Variants in DCHS2 observed in about 807,000 individuals in gnomAD.
The protein encoded by DCHS2 is dachsous cadherin-related 2.
Under a neutral mutation model 182.4 loss-of-function variants are expected in DCHS2, and 142 were observed. That is an observed-to-expected ratio of 0.78 (90% confidence interval 0.68 to 0.89). DCHS2 has a LOEUF of 0.89. Ranked by LOEUF, DCHS2 falls within the 40% of genes least tolerant of loss-of-function variation. The pLI is 0.00. For missense variants in DCHS2, 4,319 were observed against 4,198.6 expected (o/e 1.03, Z -0.79); for synonymous variants, 1,740 against 1,663.3 (o/e 1.05, Z -1.12).
At chr4:154,369,083 G>A (rs1730523583) in intron 2 of DCHS2, among the ~76,000 whole-genome samples, 1 of 152,094 alleles carries the variant, frequency 6.6e-6, no homozygotes. Context: ...AAATGTAAAA[G>A]GACAGAATTC....
intron 3 of DCHS2, among the ~76,000 whole-genome samples, chr4:154,355,412 A>T (rs1375318251): frequency 2.0e-5 from 3 of 152,214 alleles, no homozygotes; most frequent in Non-Finnish European, 4.4e-5. Context: ...GAAATCCTCA[A>T]TTTGGAGAAT....
At chr4:154,350,861 T>C (rs1283068845) in intron 3 of DCHS2, among the ~76,000 whole-genome samples, 1 of 152,128 alleles carries the variant, frequency 6.6e-6, no homozygotes, top group Non-Finnish European at 1.5e-5. Flanking sequence ...CCAACAGCAA[T>C]AGGTTAGTGT....
chr4:154,421,431 G>C (rs947836860), intron 1 of DCHS2, among the ~76,000 whole-genome samples: 2 of 151,816 alleles, frequency 1.3e-5, no homozygotes. Context: ...GTCTCACTCT[G>C]TCACCCAGGC....
chr4:154,254,623 G>A (rs1015060108), intron 16 of DCHS2, among the ~76,000 whole-genome samples: 4 of 152,194 alleles, frequency 2.6e-5, no homozygotes, highest in African/African-American at 9.7e-5. Context: ...GATCACTAGA[G>A]GTCAGGAGAT....
At chr4:154,433,004 G>A (rs1036201805) in intron 1 of DCHS2, among the ~76,000 whole-genome samples, 12 of 152,142 alleles carry the variant, frequency 7.9e-5, no homozygotes, top group Non-Finnish European at 1.8e-4. Flanking sequence ...AAAAAGATGT[G>A]TTCAAATCAT....
chr4:154,432,679 C>A (rs554498297), intron 1 of DCHS2, among the ~76,000 whole-genome samples: 31 of 152,100 alleles, frequency 2.0e-4, no homozygotes, highest in Non-Finnish European at 3.8e-4. Flanking sequence ...GACAGAAAAT[C>A]TCAATCAATC....
chr4:154,389,488 C>T (rs1731572118), intron 1 of DCHS2, among the ~76,000 whole-genome samples: 1 of 107,426 alleles, frequency 9.3e-6, no homozygotes, highest in Non-Finnish European at 2.1e-5. Flanking sequence ...GTATTGCTGT[C>T]TCTATGTTCT....
chr4:154,252,416 C>T (rs1732413986), intron 16 of DCHS2, among the ~76,000 whole-genome samples: 1 of 152,072 alleles, frequency 6.6e-6, no homozygotes, highest in Non-Finnish European at 1.5e-5. Context: ...CCAGCAAATA[C>T]TGGGTCTTAT....
chr4:154,385,828 A>AT (rs1731388713), intron 1 of DCHS2, among the ~76,000 whole-genome samples: 1 of 151,928 alleles, frequency 6.6e-6, no homozygotes, highest in Non-Finnish European at 1.5e-5. Context: ...ATTCTTGGTA[A>AT]TTTGTTACTG....
chr4:154,270,674 G>T (rs1327723081), intron 13 of DCHS2, among the ~76,000 whole-genome samples: 1 of 151,550 alleles, frequency 6.6e-6, no homozygotes, highest in Non-Finnish European at 1.5e-5. Context: ...TAAGAATGGA[G>T]CAGAGAGGCC....
rs1304926320 is a variant in DCHS2, at chr4:154,490,439, C to A, written c.917G>T (p.Arg306Leu). 12 of 1,534,416 alleles carry A rather than the reference C, an allele frequency of 7.8e-6. No individual in the cohort carries two copies. The highest frequency in any genetic ancestry group is 1.0e-5 in the Non-Finnish European group (12 of 1,145,494). ...CTCGGCGCCCGGCTGGGCGTCCTCG[C>A]GCACCGCGGCGCGGTACTCGTCCTG... The part of the protein sequence containing the change: ...FEQDEYRAAV[R>L]EDAQPGAEVC... The change falls in exon 1 of 20, where the codon CGC becomes CTC. Residue 306 changes from arginine (R) to leucine (L), a missense_variant. By Grantham distance (102) the Arg-to-Leu change is moderately radical. Transcript: ENST00000357232.
At chr4:154,299,334 A>G (rs1735106885) in intron 12 of DCHS2, among the ~76,000 whole-genome samples, 1 of 152,218 alleles carries the variant, frequency 6.6e-6, no homozygotes, top group Non-Finnish European at 1.5e-5. Flanking sequence ...CTATTCATCT[A>G]TTCCTTAAAA....
At chr4:154,308,581 T>C (rs1011632471) in intron 10 of DCHS2, among the ~76,000 whole-genome samples, 1 of 152,200 alleles carries the variant, frequency 6.6e-6, no homozygotes, top group African/African-American at 2.4e-5. Context: ...ACCTTGGACC[T>C]CAGAGTTTCT....
chr4:154,377,227 A>C, intron 2 of DCHS2, 26 bp downstream of exon 2: 1 of 1,604,832 alleles, frequency 6.2e-7, no homozygotes, highest in South Asian at 1.1e-5. Flanking sequence ...TTATGTTTAA[A>C]ATAAACTTCA....
chr4:154,449,897 C>G (rs1315562419), intron 1 of DCHS2, among the ~76,000 whole-genome samples: 2 of 152,156 alleles, frequency 1.3e-5, no homozygotes, highest in Non-Finnish European at 2.9e-5. Context: ...TGTAACTACA[C>G]AAAAAATCTT....
At chr4:154,346,207 T>C (rs1313477650) in intron 3 of DCHS2, among the ~76,000 whole-genome samples, 5 of 152,202 alleles carry the variant, frequency 3.3e-5, no homozygotes, top group Admixed American at 3.3e-4. Flanking sequence ...CACAAACATG[T>C]AGTCCATAGC....
In DCHS2 at chr4:154,418,437, C is replaced by A. The variant is rs149763601; in HGVS notation, c.2053-40993G>T. ...TGCCTTTAATCCACTCACTAAGACT[C>A]CCTTTTCCTCTTCCACCATTTAGAA... On this transcript the variant is annotated intron_variant, in intron 1 of 19. Transcript: ENST00000357232. Among the ~76,000 whole-genome samples, 367 of 152,306 alleles carry A rather than the reference C, an allele frequency of 2.4e-3. 4 individuals carry two copies. The highest frequency in any genetic ancestry group is 7.5e-3 in the African/African-American group (313 of 41,552).
intron 1 of DCHS2, among the ~76,000 whole-genome samples, chr4:154,379,656 T>C (rs1382411175): frequency 1.3e-5 from 2 of 152,198 alleles, no homozygotes; most frequent in Non-Finnish European, 2.9e-5. Context: ...ACCTACAATA[T>C]TTGTGCTCTT....
chr4:154,451,041 C>T (rs1030371458), intron 1 of DCHS2, among the ~76,000 whole-genome samples: 10 of 152,158 alleles, frequency 6.6e-5, no homozygotes, highest in African/African-American at 2.4e-4. Flanking sequence ...TACTCCAGTC[C>T]ATTCACTGAG....
Sources: gnomAD v4.1 joint callset for allele counts (sites outside exome capture counted in the v4.1 genomes callset) on GRCh38, gnomAD v4.1.1 for gene constraint, MANE v1.5 for transcripts, NCBI Gene and HGNC (gene_info 2026-07-23, HGNC 2026-07-21) for gene names.